Variants in KIAA1958 observed in about 807,000 individuals in gnomAD.
KIAA1958 encodes the protein KIAA1958.
KIAA1958 carries 14 observed loss-of-function variants against 47.2 expected under a neutral mutation model. The observed-to-expected ratio is 0.30, with a 90% confidence interval of 0.20 to 0.46. KIAA1958 has a LOEUF of 0.46. Ranked by LOEUF, KIAA1958 falls within the 20% of genes least tolerant of loss-of-function variation. The probability of loss-of-function intolerance (pLI) is 1.00; values close to 1 mark genes in which losing one functional copy is unlikely to be tolerated. For synonymous variants in KIAA1958, 354 were observed against 353.3 expected (o/e 1.00, Z -0.02); for missense variants, 803 against 909.2 (o/e 0.88, Z 1.50).
At chr9:112,529,705 T>C (rs931237083) in intron 1 of KIAA1958, among the ~76,000 whole-genome samples, 23 of 152,196 alleles carry the variant, frequency 1.5e-4, no homozygotes, top group African/African-American at 5.5e-4. Context: ...GAATTATTAC[T>C]GTTGATGCCT....
chr9:112,534,374 A>G (rs774388399), intron 1 of KIAA1958, among the ~76,000 whole-genome samples: 1 of 152,178 alleles, frequency 6.6e-6, no homozygotes, highest in Non-Finnish European at 1.5e-5. Context: ...TTTTAGTATC[A>G]TTCTAGTCAG....
intron 2 of KIAA1958, among the ~76,000 whole-genome samples, chr9:112,619,702 G>A (rs998404381): frequency 1.3e-5 from 2 of 152,124 alleles, no homozygotes; most frequent in Non-Finnish European, 2.9e-5. Context: ...TGGAAAGAAT[G>A]TTTCTTTTTT....
intron 1 of KIAA1958, among the ~76,000 whole-genome samples, chr9:112,547,247 G>A (rs1835054663): frequency 7.5e-6 from 1 of 132,930 alleles, no homozygotes; most frequent in Admixed American, 7.4e-5. Context: ...GGAGTGGGGT[G>A]CGTGCCTGTG....
At chr9:112,592,312 T>G (rs887489401) in intron 2 of KIAA1958, among the ~76,000 whole-genome samples, 2 of 152,150 alleles carry the variant, frequency 1.3e-5, no homozygotes, top group Non-Finnish European at 2.9e-5. Context: ...GAAACTGCAG[T>G]GAGCCCAGAT....
At chr9:112,642,151 G>A (rs2131240062) in intron 2 of KIAA1958, among the ~76,000 whole-genome samples, 1 of 152,320 alleles carries the variant, frequency 6.6e-6, no homozygotes, top group South Asian at 2.1e-4. Context: ...AAAGGCTCCT[G>A]TCTGATAACA....
At chr9:112,539,079 C>CGTAT (rs1053114275) in intron 1 of KIAA1958, among the ~76,000 whole-genome samples, 3 of 152,194 alleles carry the variant, frequency 2.0e-5, no homozygotes, top group African/African-American at 7.2e-5. Context: ...AATTGGAACT[C>CGTAT]TCATACATCA....
intron 2 of KIAA1958, among the ~76,000 whole-genome samples, chr9:112,623,914 C>G (rs1836555062): frequency 6.6e-6 from 1 of 152,138 alleles, no homozygotes. Flanking sequence ...CGACTATCTG[C>G]AGTTTAATGT....
chr9:112,562,107 G>C (rs1305596382), intron 1 of KIAA1958, among the ~76,000 whole-genome samples: 1 of 152,168 alleles, frequency 6.6e-6, no homozygotes, highest in Non-Finnish European at 1.5e-5. Context: ...TATGTTCGCT[G>C]TCTGGGCCTC....
intron 2 of KIAA1958, among the ~76,000 whole-genome samples, chr9:112,628,905 A>C (rs1018903978): frequency 1.3e-5 from 2 of 152,170 alleles, no homozygotes; most frequent in East Asian, 3.8e-4. Context: ...TGTACCTTTT[A>C]TGTTGTAGCC....
At chr9:112,551,385 T>C (rs1276951940) in intron 1 of KIAA1958, among the ~76,000 whole-genome samples, 1 of 152,228 alleles carries the variant, frequency 6.6e-6, no homozygotes, top group Non-Finnish European at 1.5e-5. Flanking sequence ...TCTTTTTAAC[T>C]AGCTTCTTGC....
intron 2 of KIAA1958, among the ~76,000 whole-genome samples, chr9:112,575,575 GCTT>G (rs911351476): frequency 6.6e-5 from 10 of 152,050 alleles, no homozygotes; most frequent in South Asian, 2.1e-4. Flanking sequence ...TTAAAAATAT[GCTT>G]CTCCATCAGT....
At chr9:112,596,355 T>A (rs2131195644) in intron 2 of KIAA1958, among the ~76,000 whole-genome samples, 1 of 152,268 alleles carries the variant, frequency 6.6e-6, no homozygotes, top group South Asian at 2.1e-4. Context: ...TTTTAGTCTC[T>A]AGGATATATT....
chr9:112,667,280 A>C lies in KIAA1958; in HGVS notation c.*7211A>C, dbSNP rs1299768957. ...TAGAGAAAAAAATAAAATGAGGCAT[A>C]TAAAAAAGTCAATGGGCCAGGCGCG... On this transcript the variant is annotated 3_prime_UTR_variant, in exon 4 of 4. Transcript: ENST00000337530. The C allele has an allele frequency of 1.3e-5, 2 of 152,114 alleles. No individual in the cohort carries two copies. The highest frequency in any genetic ancestry group is 4.8e-5 in the African/African-American group (2 of 41,454). 9.4% of individuals were successfully genotyped at this position (152,114 alleles called of 1,614,324 possible). A position where few individuals can be genotyped will look rare whatever the true frequency, so the allele number is the denominator to read the frequency against.
chr9:112,558,707 C>A (rs1007173239), intron 1 of KIAA1958, among the ~76,000 whole-genome samples: 7 of 152,138 alleles, frequency 4.6e-5, no homozygotes, highest in African/African-American at 1.7e-4. Flanking sequence ...AACAATTATA[C>A]CACTTTCAGC....
chr9:112,525,684 T>G (rs1834626481), intron 1 of KIAA1958, among the ~76,000 whole-genome samples: 1 of 152,142 alleles, frequency 6.6e-6, no homozygotes, highest in African/African-American at 2.4e-5. Flanking sequence ...TTATGTAATT[T>G]TCTAGTCCTC....
rs536515058 is a variant in KIAA1958 at position 112,530,697 on chromosome 9, T to C, written c.-24-43360T>C. The stretch of plus-strand genomic sequence containing the variant: ...TTCGCAAATCATATTAGAGAATTTT[T>C]ACATTTCTCTGGCTTTCAGAGACAT... On this transcript the variant is annotated intron_variant, in intron 1 of 3. Transcript: ENST00000337530. 1.2e-3 allele frequency among the ~76,000 whole-genome samples: 182 copies of C among 152,362 alleles called. 1 individual carries two copies. The highest frequency in any genetic ancestry group is 2.0e-3 in the Non-Finnish European group (138 of 68,030).
chr9:112,631,622 A>G lies in KIAA1958; in HGVS notation c.1172-14028A>G, dbSNP rs527423839. On this transcript the variant is annotated intron_variant, in intron 2 of 3. Coordinates refer to ENST00000337530, the MANE Select transcript of KIAA1958 (RefSeq NM_133465.4). ...CTTTAAAAATGCTAAGGCAGTAAGT[A>G]GACATTTATTATTAATAATTGATAA... Among the ~76,000 whole-genome samples the G allele has an allele frequency of 2.0e-5, 3 of 152,172 alleles. No homozygotes were observed. The South Asian group carries it at 6.2e-4, about 32-fold the overall frequency.
rs184770553 is a variant in KIAA1958 at position 112,617,761 on chromosome 9, A to T, written c.1172-27889A>T. The T allele has an allele frequency of 2.4e-5, 20 of 844,524 alleles. No homozygotes were observed. In the Admixed American group the frequency reaches 5.3e-4, roughly 22 times the overall value. 52.3% of individuals were successfully genotyped at this position (844,524 alleles called of 1,614,324 possible). A position where few individuals can be genotyped will look rare whatever the true frequency, so the allele number is the denominator to read the frequency against. ...TTTATCAGTGATCTCCGTAAAACTG[A>T]TTCCTCCTTTCCCTTGTCATTATAA... is the stretch of plus-strand genomic sequence containing the variant. On this transcript the variant is annotated intron_variant, in intron 2 of 3. Coordinates refer to ENST00000337530, the MANE Select transcript of KIAA1958 (RefSeq NM_133465.4).
At chr9:112,587,641 T>G (rs1046934276) in intron 2 of KIAA1958, among the ~76,000 whole-genome samples, 7 of 152,212 alleles carry the variant, frequency 4.6e-5, no homozygotes, top group African/African-American at 1.7e-4. Flanking sequence ...TAGTACTGCC[T>G]TAAAATGGAT....
Sources: allele counts gnomAD v4.1 joint callset (sites outside exome capture counted in the v4.1 genomes callset), GRCh38; gene constraint gnomAD v4.1.1; transcripts MANE v1.5; gene names NCBI Gene and HGNC (gene_info 2026-07-23, HGNC 2026-07-21).